The following NTM variants were observed in gnomAD, a reference collection of about 807,000 sequenced individuals.
NTM encodes the protein neurotrimin.
In NTM, 13 loss-of-function variants were observed where a neutral mutation model predicts 42.1. The ratio of observed to expected loss-of-function variants is 0.31; its 90% confidence interval spans 0.20 to 0.49. NTM has a LOEUF of 0.49. NTM is among the 20% of genes least tolerant of loss of function. The probability of loss-of-function intolerance (pLI) is 0.99; values close to 1 mark genes in which losing one functional copy is unlikely to be tolerated. For synonymous variants in NTM, 187 were observed against 179.2 expected (o/e 1.04, Z -0.35); for missense variants, 373 against 452.8 (o/e 0.82, Z 1.60).
chr11:132,104,237 A>G (rs1424523793), intron 2 of NTM, among the ~76,000 whole-genome samples: 1 of 152,190 alleles, frequency 6.6e-6, no homozygotes, highest in Non-Finnish European at 1.5e-5. Flanking sequence ...TGCATGCAAC[A>G]GGCTGTGCCG....
chr11:131,492,385 A>C (rs1232526807), intron 1 of NTM, among the ~76,000 whole-genome samples: 3 of 110,456 alleles, frequency 2.7e-5, no homozygotes, highest in Admixed American at 1.0e-4. Context: ...TGTATTAATA[A>C]ATTTCAGCTA....
intron 1 of NTM, among the ~76,000 whole-genome samples, chr11:131,696,030 C>G (rs1411198355): frequency 6.6e-6 from 1 of 152,204 alleles, no homozygotes; most frequent in Non-Finnish European, 1.5e-5. Context: ...ATTATCATTG[C>G]AAACAACTAG....
At chr11:132,258,849 TGA>T in intron 4 of NTM, among the ~76,000 whole-genome samples, 1 of 152,368 alleles carries the variant, frequency 6.6e-6, no homozygotes, top group Middle Eastern at 3.4e-3. Context: ...TGTAAGATAG[TGA>T]CAGACATCCT....
At chr11:131,893,514 G>A (rs77165992) in intron 1 of NTM, among the ~76,000 whole-genome samples, 1,666 of 152,290 alleles carry the variant, frequency 0.011, 31 homozygotes, top group African/African-American at 0.038. Flanking sequence ...GTCTATGAGA[G>A]TGAGGGAATA....
chr11:131,531,622 C>G (rs561449518), intron 1 of NTM, among the ~76,000 whole-genome samples: 1 of 152,282 alleles, frequency 6.6e-6, no homozygotes, highest in African/African-American at 2.4e-5. Context: ...TGGCATAGAA[C>G]TAAAATAAAA....
At chr11:132,062,669 C>A (rs1398587277) in intron 2 of NTM, among the ~76,000 whole-genome samples, 2 of 152,266 alleles carry the variant, frequency 1.3e-5, no homozygotes, top group African/African-American at 4.8e-5. Context: ...GTAGCCAGCC[C>A]TAACCAAAAT....
intron 1 of NTM, among the ~76,000 whole-genome samples, chr11:131,742,871 A>G (rs912552067): frequency 6.6e-6 from 1 of 152,242 alleles, no homozygotes; most frequent in Non-Finnish European, 1.5e-5. Context: ...AAGTGTACAC[A>G]TTAAATCTGC....
At chr11:131,867,876 C>G (rs1293959193) in intron 1 of NTM, among the ~76,000 whole-genome samples, 1 of 152,132 alleles carries the variant, frequency 6.6e-6, no homozygotes, top group Non-Finnish European at 1.5e-5. Flanking sequence ...GCTGAAGGTA[C>G]AGTTTTGCGG....
chr11:131,504,370 GC>G (rs1476019082), intron 1 of NTM, among the ~76,000 whole-genome samples: 3 of 152,108 alleles, frequency 2.0e-5, no homozygotes, highest in Non-Finnish European at 4.4e-5. Flanking sequence ...GCTCTCGGCT[GC>G]CCCCACCTGC....
intron 2 of NTM, among the ~76,000 whole-genome samples, chr11:132,092,334 C>A (rs1291322478): frequency 6.6e-6 from 1 of 152,174 alleles, no homozygotes; most frequent in Non-Finnish European, 1.5e-5. Context: ...AGTGCCTGGC[C>A]TCTGTCCTGC....
intron 1 of NTM, among the ~76,000 whole-genome samples, chr11:131,505,018 A>G (rs2047313155): frequency 6.6e-6 from 1 of 152,124 alleles, no homozygotes; most frequent in Non-Finnish European, 1.5e-5. Context: ...GTGCTGCTCT[A>G]TACCACAGTG....
intron 3 of NTM, among the ~76,000 whole-genome samples, chr11:132,166,766 A>G (rs79206311): frequency 0.027 from 4,103 of 152,310 alleles, 73 homozygotes; most frequent in Middle Eastern, 0.11. Context: ...GGCACATGTC[A>G]TAAGATTCCA....
In NTM at chr11:132,146,253, T is replaced by G; in HGVS notation, c.168-29T>G. The G allele has an allele frequency of 6.2e-7, 1 of 1,613,034 alleles. No homozygotes were observed. Among genetic ancestry groups the G allele is most frequent in the Non-Finnish European group, 8.5e-7 (1 of 1,179,310 alleles). Reference sequence around the variant, plus strand: ...ATGGCTGCTGTCGTCTCTCAGTCCCTTGACGTACCTGTCTGGTCTTCCCTT... The same window carrying G: ...ATGGCTGCTGTCGTCTCTCAGTCCCGTGACGTACCTGTCTGGTCTTCCCTT... On this transcript the variant is annotated intron_variant, in intron 2 of 8. Coordinates refer to ENST00000683400, the MANE Select transcript of NTM (RefSeq NM_001352005.2). This position sits in a 1 kb window ranked among gnomAD's most constrained non-coding sequence, Gnocchi z 4.5.
intron 3 of NTM, among the ~76,000 whole-genome samples, chr11:132,184,788 C>A (rs2078142805): frequency 1.3e-5 from 2 of 152,236 alleles, no homozygotes; most frequent in South Asian, 4.2e-4. Context: ...AAATAATATT[C>A]ATTTCTAGGC....
At chr11:131,628,250 A>G (rs561696664) in intron 1 of NTM, among the ~76,000 whole-genome samples, 1 of 152,346 alleles carries the variant, frequency 6.6e-6, no homozygotes, top group South Asian at 2.1e-4. Context: ...CAGATCTTTC[A>G]CGGGTGACCC....
intron 1 of NTM, among the ~76,000 whole-genome samples, chr11:131,722,502 A>G (rs2078486320): frequency 6.6e-6 from 1 of 152,234 alleles, no homozygotes; most frequent in Non-Finnish European, 1.5e-5. Context: ...AACATGCAGA[A>G]CTCAAGATCT....
intron 2 of NTM, among the ~76,000 whole-genome samples, chr11:131,986,694 T>C (rs1399707545): frequency 6.6e-6 from 1 of 152,222 alleles, no homozygotes; most frequent in East Asian, 1.9e-4. Flanking sequence ...TTGGTTTGTA[T>C]TTGCCTTCCT....
intron 1 of NTM, among the ~76,000 whole-genome samples, chr11:131,895,211 T>C: frequency 6.6e-6 from 1 of 152,122 alleles, no homozygotes; most frequent in Non-Finnish European, 1.5e-5. Context: ...GATCTGGAAA[T>C]GAAGATTTTT....
intron 1 of NTM, among the ~76,000 whole-genome samples, chr11:131,430,811 C>A (rs1948587576): frequency 6.6e-6 from 1 of 152,300 alleles, no homozygotes; most frequent in East Asian, 1.9e-4. Context: ...GCAGCCAGGA[C>A]CTTTCTGGGC....
Sources: allele counts gnomAD v4.1 joint callset (sites outside exome capture counted in the v4.1 genomes callset), GRCh38; gene constraint gnomAD v4.1.1; non-coding constraint Gnocchi (gnomAD v3.1); transcripts MANE v1.5; gene names NCBI Gene and HGNC (gene_info 2026-07-23, HGNC 2026-07-21).